The following ATP2B2 variants were observed in gnomAD, a reference collection of about 807,000 sequenced individuals.
ATP2B2 encodes the protein ATPase plasma membrane Ca2+ transporting 2, also known as plasma membrane calcium-transporting ATPase 2.
ATP2B2 carries 15 observed loss-of-function variants against 120.0 expected under a neutral mutation model. The observed-to-expected ratio is 0.12, with a 90% CI of 0.08 to 0.19. The LOEUF is 0.19. Ranked by LOEUF, ATP2B2 falls within the 10% of genes least tolerant of loss-of-function variation. ATP2B2 has a pLI of 1.00. For synonymous variants in ATP2B2, 694 were observed against 700.3 expected (o/e 0.99, Z 0.14); for missense variants, 1,045 against 1,719.8 (o/e 0.61, Z 6.94).
intron 2 of ATP2B2, among the ~76,000 whole-genome samples, chr3:10,432,632 G>A (rs1286357275): frequency 4.6e-5 from 7 of 152,256 alleles, no homozygotes; most frequent in Non-Finnish European, 7.3e-5. Context: ...GGATGCTGGC[G>A]GCTTCACGCC....
intron 7 of ATP2B2, among the ~76,000 whole-genome samples, chr3:10,386,159 C>T (rs1391184504): frequency 1.3e-5 from 2 of 152,102 alleles, no homozygotes; most frequent in Non-Finnish European, 2.9e-5. Context: ...AGAGCAGGGC[C>T]TGAGGGGAGG....
rs111547366 is a variant in ATP2B2 at position 10,569,047 on chromosome 3, C to T, written c.-414-34914G>A. Among the ~76,000 whole-genome samples the T allele has an allele frequency of 5.5e-4, 83 of 152,240 alleles. 2 individuals carry two copies. The highest frequency in any genetic ancestry group is 1.8e-3 in the African/African-American group (75 of 41,526). On this transcript the variant is annotated intron_variant, in intron 2 of 21. Coordinates refer to the ATP2B2 transcript ENST00000646379. ...ATGGATCCTCCTCTTAACCCTGGGA[C>T]GTGGTATCGCTGTTCACTTTTTCCA...
At chr3:10,591,983 G>C (rs1297722453) in intron 2 of ATP2B2, among the ~76,000 whole-genome samples, 1 of 152,176 alleles carries the variant, frequency 6.6e-6, no homozygotes, top group Non-Finnish European at 1.5e-5. Flanking sequence ...TGTGCATGCA[G>C]AGGCCAAATT....
At chr3:10,330,626 GC>G (rs1235986451) in intron 22 of ATP2B2, among the ~76,000 whole-genome samples, 1 of 152,250 alleles carries the variant, frequency 6.6e-6, no homozygotes, top group Non-Finnish European at 1.5e-5. Context: ...AGCAGTGGCT[GC>G]CCTGCACCAC....
At chr3:10,508,133 C>G (rs577500311), upstream of ATP2B2, among the ~76,000 whole-genome samples, 6 of 152,326 alleles carry the variant, frequency 3.9e-5, no homozygotes, top group East Asian at 1.2e-3. Context: ...GTTCCCATCT[C>G]CTTGACATTC....
chr3:10,388,656 AC>A (rs1315247999), intron 5 of ATP2B2, among the ~76,000 whole-genome samples: 3 of 152,138 alleles, frequency 2.0e-5, no homozygotes, highest in African/African-American at 7.2e-5. Flanking sequence ...CCCACCACCT[AC>A]TACCTGCCCT....
chr3:10,698,042 G>A lies in ATP2B2; in HGVS notation c.-460+9873C>T, dbSNP rs145911316. 4.0e-3 allele frequency among the ~76,000 whole-genome samples: 613 copies of A among 152,286 alleles called. 4 individuals carry two copies. Among genetic ancestry groups the A allele is most frequent in the African/African-American group, 0.014 (584 of 41,558 alleles). ...CAGTGGACACTCCCTCCTACTTCCTGGCTGGCAGAGCCCTGACTGTGTCAG... is the reference window on the plus strand; with the variant it reads ...CAGTGGACACTCCCTCCTACTTCCTAGCTGGCAGAGCCCTGACTGTGTCAG... On this transcript the variant is annotated intron_variant, in intron 1 of 21. Coordinates refer to the ATP2B2 transcript ENST00000646379.
intron 14 of ATP2B2, among the ~76,000 whole-genome samples, chr3:10,351,889 T>C (rs1427717464): frequency 6.6e-6 from 1 of 152,208 alleles, no homozygotes; most frequent in Non-Finnish European, 1.5e-5. Context: ...CTCCTCCCTA[T>C]CGTCACTGGA....
At chr3:10,378,785 C>T (rs2125536824) in intron 9 of ATP2B2, among the ~76,000 whole-genome samples, 1 of 152,274 alleles carries the variant, frequency 6.6e-6, no homozygotes, top group South Asian at 2.1e-4. Context: ...TCCTTGGGAC[C>T]TGTTGTGGGA....
chr3:10,338,613 C>T, intron 21 of ATP2B2: 1 of 490,764 alleles, frequency 2.0e-6, no homozygotes, highest in Non-Finnish European at 3.6e-6. Context: ...TTCATTCATT[C>T]AGAGTCAGGG....
intron 2 of ATP2B2, among the ~76,000 whole-genome samples, chr3:10,603,011 C>T (rs149456327): frequency 1.6e-4 from 24 of 152,346 alleles, no homozygotes; most frequent in African/African-American, 5.5e-4. Context: ...TCTCTCAAGG[C>T]TGTGAAGCCC....
chr3:10,489,034 C>A (rs1169559814), intron 1 of ATP2B2, among the ~76,000 whole-genome samples: 1 of 152,188 alleles, frequency 6.6e-6, no homozygotes, highest in Non-Finnish European at 1.5e-5. Flanking sequence ...TCCTCCACCC[C>A]ACTTCTCCCT....
chr3:10,502,200 C>T (rs1575424145), intron 1 of ATP2B2, among the ~76,000 whole-genome samples: 1 of 152,180 alleles, frequency 6.6e-6, no homozygotes, highest in Non-Finnish European at 1.5e-5. Context: ...TGGCCAGTTG[C>T]AGCAGCAAGG....
chr3:10,410,506 C>T (rs565404564), intron 3 of ATP2B2, 112 bp downstream of exon 3: 126 of 1,366,078 alleles, frequency 9.2e-5, no homozygotes, highest in Admixed American at 3.4e-4. Context: ...CCTTGGACCT[C>T]GGTTTCTTCC....
chr3:10,559,139 A>ACT lies in ATP2B2; in HGVS notation c.-414-25007_-414-25006insAG, dbSNP rs1300620498. Reference sequence around the variant, plus strand: ...GAGGGGTAGTAAGATGAACGATATTAACTGCTGATGGGTGTGATGCTTTCA... The same window carrying ACT: ...GAGGGGTAGTAAGATGAACGATATTACTACTGCTGATGGGTGTGATGCTTTCA... On this transcript the variant is annotated intron_variant, in intron 2 of 21. Transcript: ENST00000646379. 2.9e-3 allele frequency among the ~76,000 whole-genome samples: 442 copies of ACT among 152,364 alleles called. 1 individual carries two copies. Among genetic ancestry groups the ACT allele is most frequent in the African/African-American group, 0.01 (418 of 41,586 alleles).
chr3:10,347,520 C>G lies in ATP2B2; in HGVS notation c.2405-1383G>C, dbSNP rs193078748. The stretch of plus-strand genomic sequence containing the variant: ...CCAACCTGCTCCCTTGCAGCTCTAC[C>G]CTCTTTCAGGCCCAGCTGCAGTGCC... On this transcript the variant is annotated intron_variant, in intron 16 of 22. Coordinates refer to ENST00000360273, the MANE Select transcript of ATP2B2 (RefSeq NM_001001331.4). This position sits in a 1 kb window ranked among gnomAD's most constrained non-coding sequence, Gnocchi z 5.2. Among the ~76,000 whole-genome samples the G allele has an allele frequency of 6.6e-6, 1 of 152,220 alleles. No homozygotes were observed. The highest frequency in any genetic ancestry group is 1.5e-5 in the Non-Finnish European group (1 of 68,026).
chr3:10,614,568 C>T (rs183830713), intron 2 of ATP2B2, among the ~76,000 whole-genome samples: 48 of 152,252 alleles, frequency 3.2e-4, no homozygotes, highest in East Asian at 2.9e-3. Flanking sequence ...ATTGCAGTCT[C>T]GTGACTTGGG....
chr3:10,364,644 G>C (rs2060990164), intron 12 of ATP2B2, among the ~76,000 whole-genome samples: 1 of 152,114 alleles, frequency 6.6e-6, no homozygotes, highest in Non-Finnish European at 1.5e-5. Context: ...CCGGGAGGCG[G>C]AGGTTGCAGT....
chr3:10,645,203 G>A (rs2070291770), intron 1 of ATP2B2, among the ~76,000 whole-genome samples: 1 of 152,150 alleles, frequency 6.6e-6, no homozygotes, highest in South Asian at 2.1e-4. Context: ...GTTGTTCTCT[G>A]TAGTATTCTG....
Sources: gnomAD v4.1 joint callset for allele counts (sites outside exome capture counted in the v4.1 genomes callset) on GRCh38, gnomAD v4.1.1 for gene constraint, Gnocchi (gnomAD v3.1) non-coding constraint, MANE v1.5 for transcripts, NCBI Gene and HGNC (gene_info 2026-07-23, HGNC 2026-07-21) for gene names.